NFIB: variants seen among roughly 807,000 people sequenced by gnomAD.
NFIB encodes nuclear factor 1 B-type.
Under a neutral mutation model 61.5 loss-of-function variants are expected in NFIB, and 11 were observed. The observed-to-expected ratio is 0.18, with a 90% confidence interval of 0.11 to 0.30. NFIB has a LOEUF of 0.30. Ranked by LOEUF, NFIB falls within the 10% of genes least tolerant of loss-of-function variation. NFIB has a pLI of 1.00. For synonymous variants in NFIB, 260 were observed against 216.5 expected (o/e 1.20, Z -1.76); for missense variants, 471 against 608.9 (o/e 0.77, Z 2.38).
chr9:14,296,830 G>GA (rs2059473694), intron 2 of NFIB, among the ~76,000 whole-genome samples: 1 of 152,176 alleles, frequency 6.6e-6, no homozygotes, highest in Non-Finnish European at 1.5e-5. Context: ...AGGCAGAAGG[G>GA]GGATATGCTG....
Position 14,351,459 on chromosome 9 carries a change from T to C in NFIB, c.109-43939A>G, listed in dbSNP as rs59319382. Among the ~76,000 whole-genome samples, 1,467 of 152,260 alleles carry C rather than the reference T, an allele frequency of 9.6e-3. 22 individuals carry two copies. The highest frequency in any genetic ancestry group is 0.034 in the African/African-American group (1,406 of 41,556). On this transcript the variant is annotated intron_variant, in intron 1 of 8. Coordinates refer to the NFIB transcript ENST00000380934. ...GACCTTGAATCACACCCCTTCTGCC[T>C]ACCAAGGGCATCTCCCCTGTCAGGA...
intron 9 of NFIB, among the ~76,000 whole-genome samples, chr9:14,115,838 T>C (rs2038048132): frequency 6.6e-6 from 1 of 152,230 alleles, no homozygotes; most frequent in African/African-American, 2.4e-5. Flanking sequence ...AAGTACCAAT[T>C]ACCTAATCTC....
intron 5 of NFIB, among the ~76,000 whole-genome samples, chr9:14,147,652 T>G (rs992590015): frequency 6.8e-6 from 1 of 147,084 alleles, no homozygotes; most frequent in African/African-American, 2.5e-5. Flanking sequence ...TTTTTTTTTT[T>G]TTTTTGAGAC....
chr9:14,222,261 C>T (rs1462729404), intron 2 of NFIB, among the ~76,000 whole-genome samples: 1 of 152,112 alleles, frequency 6.6e-6, no homozygotes, highest in Non-Finnish European at 1.5e-5. Flanking sequence ...CATTATCTAC[C>T]ATGGAAGGCA....
the NFIB span, among the ~76,000 whole-genome samples, chr9:14,405,426 A>G: frequency 6.6e-6 from 1 of 152,236 alleles, no homozygotes; most frequent in African/African-American, 2.4e-5. Context: ...GGCATCAGCT[A>G]AGCAACGAGG....
upstream of NFIB, among the ~76,000 whole-genome samples, chr9:14,400,079 T>G (rs2061728034): frequency 6.6e-6 from 1 of 152,002 alleles, no homozygotes; most frequent in Non-Finnish European, 1.5e-5. Flanking sequence ...AAAACTTCAA[T>G]AGCAATTTTA....
chr9:14,166,238 T>A (rs1423456826), intron 3 of NFIB, among the ~76,000 whole-genome samples: 2 of 152,058 alleles, frequency 1.3e-5, no homozygotes, highest in African/African-American at 2.4e-5. Flanking sequence ...CTGTTCTTAA[T>A]TTTTTTATTG....
chr9:14,397,086 T>C lies in NFIB; in HGVS notation c.108+1438A>G, dbSNP rs190397686. ...ATTTCTTTATAATAAATGATTTATG[T>C]CCAATTCTCTCTCTCTCTTTCTTTC... On this transcript the variant is annotated intron_variant, in intron 1 of 8. Transcript: ENST00000380934. Among the ~76,000 whole-genome samples, 334 of 152,358 alleles carry C rather than the reference T, an allele frequency of 2.2e-3. 1 individual carries two copies. The highest frequency in any genetic ancestry group is 3.8e-3 in the Non-Finnish European group (256 of 68,036).
chr9:14,452,080 C>A, the NFIB span, among the ~76,000 whole-genome samples: 1 of 152,098 alleles, frequency 6.6e-6, no homozygotes, highest in Non-Finnish European at 1.5e-5. Flanking sequence ...ACATACAGAT[C>A]TGACTTTTTC....
the NFIB span, among the ~76,000 whole-genome samples, chr9:14,419,269 T>C: frequency 7.5e-6 from 1 of 132,926 alleles, no homozygotes; most frequent in Non-Finnish European, 1.6e-5. Context: ...AAAATATTTA[T>C]ACAGCTAGCA....
At chr9:14,322,978 A>G (rs1449288797) in intron 1 of NFIB, among the ~76,000 whole-genome samples, 3 of 152,204 alleles carry the variant, frequency 2.0e-5, no homozygotes, top group Non-Finnish European at 4.4e-5. Flanking sequence ...CCCGGCCGAA[A>G]ACGCCGCGGA....
chr9:14,241,512 C>A (rs1313877761), intron 2 of NFIB, among the ~76,000 whole-genome samples: 3 of 150,066 alleles, frequency 2.0e-5, no homozygotes, highest in African/African-American at 2.5e-5. Context: ...TTACATAATT[C>A]AAAAAAAAAC....
intron 2 of NFIB, among the ~76,000 whole-genome samples, chr9:14,232,439 T>A (rs929989529): frequency 6.6e-6 from 1 of 152,106 alleles, no homozygotes; most frequent in Admixed American, 6.6e-5. Context: ...TCTAAATCAT[T>A]TGCCACCAGG....
intron 2 of NFIB, among the ~76,000 whole-genome samples, chr9:14,246,743 T>C (rs768283352): frequency 1.3e-5 from 2 of 152,152 alleles, no homozygotes; most frequent in Non-Finnish European, 2.9e-5. Flanking sequence ...TAGAGTGAAA[T>C]ATCAAGGTAT....
At chr9:14,493,432 C>T in the NFIB span, among the ~76,000 whole-genome samples, 103 of 152,198 alleles carry the variant, frequency 6.8e-4, no homozygotes, top group African/African-American at 2.3e-3. Flanking sequence ...TTCTCTGTAA[C>T]TCTATCATTA....
intron 1 of NFIB, chr9:14,347,320 TC>T (rs999820330): frequency 6.6e-6 from 1 of 151,958 alleles, no homozygotes; most frequent in Non-Finnish European, 1.5e-5. Flanking sequence ...GTCAGTGCCT[TC>T]GGGGGCTCCA....
the NFIB span, among the ~76,000 whole-genome samples, chr9:14,409,790 A>G: frequency 2.2e-4 from 33 of 152,366 alleles, no homozygotes; most frequent in South Asian, 5.6e-3. Flanking sequence ...ATAGAATTGG[A>G]CTTGAAGTAT....
chr9:14,306,051 A>T, intron 2 of NFIB: 1 of 826,006 alleles, frequency 1.2e-6, no homozygotes, highest in Non-Finnish European at 1.8e-6. Flanking sequence ...GAAAAATAAA[A>T]ATAATAAACA....
the NFIB span, among the ~76,000 whole-genome samples, chr9:14,419,287 T>TTAAA: frequency 7.9e-6 from 1 of 127,078 alleles, no homozygotes; most frequent in Non-Finnish European, 1.7e-5. Context: ...GCAGCACTGT[T>TTAAA]AAAAAAAAAA....
Sources: allele counts gnomAD v4.1 joint callset (sites outside exome capture counted in the v4.1 genomes callset), GRCh38; gene constraint gnomAD v4.1.1; transcripts MANE v1.5; gene names NCBI Gene and HGNC (gene_info 2026-07-23, HGNC 2026-07-21).